Variants in ADGRL2 observed in about 807,000 individuals in gnomAD.
ADGRL2 encodes the protein calcium-independent alpha-latrotoxin receptor 2.
A neutral mutation model predicts 157.4 loss-of-function variants in ADGRL2; 44 were observed. That is an observed-to-expected ratio of 0.28 (90% CI 0.22 to 0.36). ADGRL2 has a LOEUF of 0.36. Ranked by LOEUF, ADGRL2 falls within the 10% of genes least tolerant of loss-of-function variation. ADGRL2 has a pLI of 1.00. For missense variants in ADGRL2, 1,510 were observed against 1,768.9 expected, an observed-to-expected ratio of 0.85 and a Z score of 2.63; for synonymous variants, 585 against 624.7, an observed-to-expected ratio of 0.94 and a Z score of 0.95.
intron 2 of ADGRL2, among the ~76,000 whole-genome samples, chr1:81,882,183 T>G (rs2094004975): frequency 6.6e-6 from 1 of 152,176 alleles, no homozygotes; most frequent in South Asian, 2.1e-4. Context: ...AAAATCAGCT[T>G]GGTGTTACAG....
intron 2 of ADGRL2, among the ~76,000 whole-genome samples, chr1:81,522,334 A>G (rs566485960): frequency 6.6e-6 from 1 of 152,336 alleles, no homozygotes; most frequent in African/African-American, 2.4e-5. Flanking sequence ...GTTAGAATCA[A>G]GAAATTTGAA....
At chr1:81,629,701 G>C (rs2081976128) in intron 3 of ADGRL2, among the ~76,000 whole-genome samples, 1 of 147,532 alleles carries the variant, frequency 6.8e-6, no homozygotes, top group Non-Finnish European at 1.5e-5. Flanking sequence ...GTGTGTGTAT[G>C]TAGATATATG....
chr1:81,553,250 A>G (rs1366871921), intron 2 of ADGRL2, among the ~76,000 whole-genome samples: 2 of 152,222 alleles, frequency 1.3e-5, no homozygotes, highest in Admixed American at 6.5e-5. Context: ...TCTGCATATA[A>G]TAAAGATTAG....
chr1:81,762,744 T>C (rs1049655573), intron 2 of ADGRL2, among the ~76,000 whole-genome samples: 1 of 151,964 alleles, frequency 6.6e-6, no homozygotes, highest in Non-Finnish European at 1.5e-5. Context: ...TGGCAGTATA[T>C]CTTGGGCTTA....
chr1:81,514,041 T>G (rs2079128200), intron 2 of ADGRL2: 2 of 142,430 alleles, frequency 1.4e-5, no homozygotes, highest in African/African-American at 5.9e-5. Context: ...TCCAGTCAAA[T>G]CAAGCTGAAA....
chr1:81,956,571 G>T (rs1285749190), intron 11 of ADGRL2, among the ~76,000 whole-genome samples: 1 of 152,112 alleles, frequency 6.6e-6, no homozygotes, highest in Non-Finnish European at 1.5e-5. Flanking sequence ...TTCATAGATT[G>T]CAGAATAGCT....
chr1:81,589,219 A>T (rs1020504291), intron 3 of ADGRL2, among the ~76,000 whole-genome samples: 1 of 152,120 alleles, frequency 6.6e-6, no homozygotes, highest in Non-Finnish European at 1.5e-5. Flanking sequence ...GCCCATTGCC[A>T]TACCTCCTTT....
intron 1 of ADGRL2, among the ~76,000 whole-genome samples, chr1:81,423,982 T>C (rs968539682): frequency 2.6e-5 from 4 of 152,252 alleles, no homozygotes; most frequent in African/African-American, 9.6e-5. Context: ...TAGTTGGTTG[T>C]TCTTATCTAT....
intron 2 of ADGRL2, among the ~76,000 whole-genome samples, chr1:81,491,313 A>T (rs867694024): frequency 6.6e-6 from 1 of 152,330 alleles, no homozygotes; most frequent in South Asian, 2.1e-4. Context: ...AGCAGGAGGC[A>T]TATGGAAGAT....
intron 2 of ADGRL2, chr1:81,557,927 C>T (rs2080350443): frequency 6.6e-6 from 1 of 152,230 alleles, no homozygotes; most frequent in African/African-American, 2.4e-5. Flanking sequence ...TCCCTGATCA[C>T]CTTACATTGA....
intron 2 of ADGRL2, among the ~76,000 whole-genome samples, chr1:81,791,908 T>C (rs1426919338): frequency 2.6e-5 from 4 of 152,224 alleles, no homozygotes; most frequent in East Asian, 3.8e-4. Flanking sequence ...GAAGAAATAG[T>C]ATATAGTTAA....
Position 81,970,416 on chromosome 1 carries a change from G to A in ADGRL2, c.2836G>A (p.Val946Ile). 6.4e-7 allele frequency: 1 copy of A among 1,561,262 alleles called. No homozygotes were observed. Among genetic ancestry groups the A allele is most frequent in the Non-Finnish European group, 8.6e-7 (1 of 1,160,046 alleles). The change falls in exon 16 of 24, where the codon GTT (valine) becomes ATT (isoleucine). Residue 946 changes from valine to isoleucine, a missense_variant. Val to Ile is a conservative substitution (Grantham distance 29). Transcript: ENST00000686636. ...GCAGCTCTACCTAATGTTAGTTGAAGTTTTTGAAAGTGAATATTCAAGGAA... is the reference window on the plus strand; with the variant it reads ...GCAGCTCTACCTAATGTTAGTTGAAATTTTTGAAAGTGAATATTCAAGGAA... ...GVQLYLMLVE[V>I]FESEYSRKKY...
chr1:81,682,103 A>ATGTGTGTGTG (rs57943530), intron 3 of ADGRL2, among the ~76,000 whole-genome samples: 8,008 of 147,954 alleles, frequency 0.054, 235 homozygotes, highest in African/African-American at 0.075. Flanking sequence ...ATACATATAT[A>ATGTGTGTGTG]TGTGTGTGTG....
chr1:81,651,146 A>C (rs978343740), intron 3 of ADGRL2, among the ~76,000 whole-genome samples: 1 of 152,318 alleles, frequency 6.6e-6, no homozygotes, highest in South Asian at 2.1e-4. Flanking sequence ...TTAGCTCAAT[A>C]AAGCAGCTGT....
At chr1:81,323,411 A>ATTTT (rs138358062) in intron 1 of ADGRL2, among the ~76,000 whole-genome samples, 33 of 109,728 alleles carry the variant, frequency 3.0e-4, no homozygotes, top group Non-Finnish European at 4.1e-4. Flanking sequence ...GACTAATTCA[A>ATTTT]TTTTTTTTTT....
chr1:81,413,614 G>C (rs974270250), intron 1 of ADGRL2, among the ~76,000 whole-genome samples: 3 of 152,176 alleles, frequency 2.0e-5, no homozygotes, highest in African/African-American at 7.2e-5. Flanking sequence ...TTCGAGAGTT[G>C]TTTTGGATGA....
At chr1:81,467,060 G>GA (rs1012324429) in intron 2 of ADGRL2, among the ~76,000 whole-genome samples, 10 of 141,102 alleles carry the variant, frequency 7.1e-5, no homozygotes, top group African/African-American at 2.5e-4. Context: ...AAAAAAAAAA[G>GA]AAAAAAAACG....
chr1:81,401,980 A>ATTGTTTGT (rs148111228), intron 1 of ADGRL2, among the ~76,000 whole-genome samples: 8 of 152,012 alleles, frequency 5.3e-5, no homozygotes, highest in African/African-American at 1.9e-4. Context: ...AAAATTAGTA[A>ATTGTTTGT]TTGTTTGTTT....
At chr1:81,730,751 T>C (rs1307212667) in intron 1 of ADGRL2, among the ~76,000 whole-genome samples, 1 of 152,004 alleles carries the variant, frequency 6.6e-6, no homozygotes, top group Non-Finnish European at 1.5e-5. Context: ...TAGTCCTCAG[T>C]GCTTCAAACA....
Sources: gnomAD v4.1 joint callset for allele counts (sites outside exome capture counted in the v4.1 genomes callset) on GRCh38, gnomAD v4.1.1 for gene constraint, MANE v1.5 for transcripts, NCBI Gene and HGNC (gene_info 2026-07-23, HGNC 2026-07-21) for gene names.